The following AP4M1 variants were observed in gnomAD, a reference collection of about 807,000 sequenced individuals.
AP4M1 encodes the protein AP-4 complex subunit mu-1.
In AP4M1, 58 loss-of-function variants were observed where a neutral mutation model predicts 62.4. That is an observed-to-expected ratio of 0.93 (90% CI 0.75 to 1.16). The LOEUF is 1.16. Ranked by LOEUF, AP4M1 falls within the 50% of genes most tolerant of loss-of-function variation. The probability of loss-of-function intolerance (pLI) is 0.00; values close to 1 mark genes in which losing one functional copy is unlikely to be tolerated. For synonymous variants in AP4M1, 290 were observed against 239.7 expected (o/e 1.21, Z -1.94); for missense variants, 626 against 585.4 (o/e 1.07, Z -0.72).
chr7:100,101,204 A>T (rs1237436673), upstream of AP4M1: 35 of 1,600,090 alleles, frequency 2.2e-5, no homozygotes, highest in East Asian at 1.6e-4. Flanking sequence ...GCTCACACCA[A>T]CAGGTGTTCC....
In AP4M1 at chr7:100,106,252, A is replaced by G. The variant is rs1465526527; in HGVS notation, c.986A>G (p.Asn329Ser). 13 of 1,613,994 alleles carry G rather than the reference A, an allele frequency of 8.1e-6. No individual in the cohort carries two copies. Among genetic ancestry groups the G allele is most frequent in the Non-Finnish European group, 1.0e-5 (12 of 1,180,028 alleles). Residue 329 changes from asparagine to serine, a missense_variant, in exon 13 of 15, where the codon AAT (asparagine) becomes AGT (serine). By Grantham distance (46) the Asn-to-Ser change is conservative. Coordinates refer to ENST00000359593, the MANE Select transcript of AP4M1 (RefSeq NM_004722.4). ...CDLLSKSQAL[N>S]VRLHLPLPRG... ...CGTCTCCTCTGTAGCCAAGCCCTCA[A>G]TGTCAGGCTGCACCTCCCCCTGCCT...
At chr7:100,105,854 A>T in intron 11 of AP4M1, 105 bp from the exon 12 acceptor site, 1 of 1,337,622 alleles carries the variant, frequency 7.5e-7, no homozygotes, top group Non-Finnish European at 1.1e-6. Context: ...CCCTCTTGGG[A>T]GTACAGCCCA....
At chr7:100,104,820 G>T in intron 7 of AP4M1, 54 bp from the exon 8 acceptor site, 1 of 1,601,750 alleles carries the variant, frequency 6.2e-7, no homozygotes, top group Non-Finnish European at 8.5e-7. Flanking sequence ...GAGCGAGACC[G>T]TCTCAAAAAA....
chr7:100,106,325 G>A, intron 13 of AP4M1, 34 bp downstream of exon 13: 4 of 1,613,586 alleles, frequency 2.5e-6, no homozygotes, highest in Non-Finnish European at 3.4e-6. Context: ...GGAGATTCCT[G>A]GGGAGAGAGT....
chr7:100,108,545 A>G lies in AP4M1; in HGVS notation c.*1663A>G. ...CAGAACAGGAGCACAGTGTTTCTGC[A>G]GAACAGAAAAAAAGCCAGGTAGAGG... On this transcript the variant is annotated 3_prime_UTR_variant, in exon 15 of 15. Transcript: ENST00000359593. 1 of 1,588,690 alleles carries G rather than the reference A, an allele frequency of 6.3e-7. No individual in the cohort carries two copies. The highest frequency in any genetic ancestry group is 8.6e-7 in the Non-Finnish European group (1 of 1,162,326).
intron 6 of AP4M1, 58 bp from the exon 7 acceptor site, chr7:100,104,034 C>G: frequency 6.8e-7 from 1 of 1,468,166 alleles, no homozygotes; most frequent in Non-Finnish European, 9.5e-7. Context: ...CCCTGTCTGT[C>G]CATTTCAGAA....
rs1796377797 is a variant in AP4M1, at chr7:100,105,379, C to T, written c.834+33C>T. ...TTGGGGTGGCCTCATAAATTCCGTCCACCATGGGGAAGGGGGCAGTGGGGT... is the reference window on the plus strand; with the variant it reads ...TTGGGGTGGCCTCATAAATTCCGTCTACCATGGGGAAGGGGGCAGTGGGGT... On this transcript the variant is annotated intron_variant, in intron 10 of 14. Coordinates refer to ENST00000359593, the MANE Select transcript of AP4M1 (RefSeq NM_004722.4). The T allele has an allele frequency of 3.1e-6, 5 of 1,613,168 alleles. No individual in the cohort carries two copies. The African/African-American group carries it at 5.3e-5, about 17-fold the overall frequency.
rs766730027 is a variant in AP4M1, at chr7:100,107,602, C to T, written c.*720C>T. 1 of 1,613,204 alleles carries T rather than the reference C, an allele frequency of 6.2e-7. No individual in the cohort carries two copies. The highest frequency in any genetic ancestry group is 8.5e-7 in the Non-Finnish European group (1 of 1,179,784). Reference sequence around the variant, plus strand: ...GTGGTGGTGGAACCTGAGCCGGGGGCCGAGGTGCTGAGGGACAGGACCTGG... The same window carrying T: ...GTGGTGGTGGAACCTGAGCCGGGGGTCGAGGTGCTGAGGGACAGGACCTGG... On this transcript the variant is annotated 3_prime_UTR_variant, in exon 15 of 15. Coordinates refer to ENST00000359593, the MANE Select transcript of AP4M1 (RefSeq NM_004722.4).
chr7:100,101,113 G>A, upstream of AP4M1: 7 of 957,310 alleles, frequency 7.3e-6, no homozygotes, highest in Non-Finnish European at 1.1e-5. Context: ...GGCCCCGTGG[G>A]CCTTAGCCAG....
chr7:100,107,058 G>T lies in AP4M1; in HGVS notation c.*176G>T. The T allele has an allele frequency of 8.5e-7, 1 of 1,183,090 alleles. No homozygotes were observed. Among genetic ancestry groups the T allele is most frequent in the Non-Finnish European group, 1.2e-6 (1 of 833,144 alleles). 73.3% of individuals were successfully genotyped at this position (1,183,090 alleles called of 1,614,324 possible). On this transcript the variant is annotated 3_prime_UTR_variant, in exon 15 of 15. Coordinates refer to ENST00000359593, the MANE Select transcript of AP4M1 (RefSeq NM_004722.4). ...TTTCTGTGGTATCTGATGCAGGAAG[G>T]ACTGCAGTGGATCAGAACTTACAAA...
rs1198996492 is a variant in AP4M1, at chr7:100,103,635, C to T, written c.486C>T (p.Ser162=). ...AGTTTGGGGCTGAGACACAACAGAG[C>T]AAAGTGGCCCCCAGCAGTGCAGCCA... ...VGLFGAETQQ[S]KVAPSSAASR... The change falls in exon 6 of 15, where the codon AGC becomes AGT. Residue 162 remains serine (S), a synonymous_variant. Coordinates refer to ENST00000359593, the MANE Select transcript of AP4M1 (RefSeq NM_004722.4). 1 of 1,613,738 alleles carries T rather than the reference C, an allele frequency of 6.2e-7. No individual in the cohort carries two copies. The highest frequency in any genetic ancestry group is 1.3e-5 in the African/African-American group (1 of 74,906).
In AP4M1 at chr7:100,105,054, T is replaced by C; in HGVS notation, c.683T>C (p.Ile228Thr). 2 of 1,614,112 alleles carry C rather than the reference T, an allele frequency of 1.2e-6. No homozygotes were observed. Among genetic ancestry groups the C allele is most frequent in the African/African-American group, 1.3e-5 (1 of 75,030 alleles). ...SFLPSGSEMR[I>T]GLTEEFCVGK... Reference sequence around the variant, plus strand: ...GTCTCTCCTCCGACAGAGATGCGCATTGGCTTGACGGAAGAGTTTTGTGTG... The same window carrying C: ...GTCTCTCCTCCGACAGAGATGCGCACTGGCTTGACGGAAGAGTTTTGTGTG... Residue 228 changes from isoleucine (I) to threonine (T), a missense_variant, in exon 9 of 15, where the codon ATT (isoleucine) becomes ACT (threonine). Coordinates refer to ENST00000359593, the MANE Select transcript of AP4M1 (RefSeq NM_004722.4).
In AP4M1 at chr7:100,105,457, C is replaced by G; in HGVS notation, c.847C>G (p.Arg283Gly). ...QPPQGELTVM[R>G]YQLSDDLPSP... Reference sequence around the variant, plus strand: ...TCTGGTCTCTCAGCTGACTGTGATGCGGTACCAACTCTCCGATGACCTCCC... The same window carrying G: ...TCTGGTCTCTCAGCTGACTGTGATGGGGTACCAACTCTCCGATGACCTCCC... The change falls in exon 11 of 15, where the codon CGG (arginine) becomes GGG (glycine). Residue 283 changes from arginine to glycine, a missense_variant. Arg to Gly is a moderately radical substitution (Grantham distance 125). Transcript: ENST00000359593. 1 of 1,614,012 alleles carries G rather than the reference C, an allele frequency of 6.2e-7. No individual in the cohort carries two copies. The highest frequency in any genetic ancestry group is 1.1e-5 in the South Asian group (1 of 91,080).
At chr7:100,105,158 G>A in intron 9 of AP4M1, 60 bp downstream of exon 9, 1 of 1,613,002 alleles carries the variant, frequency 6.2e-7, no homozygotes, top group East Asian at 2.2e-5. Flanking sequence ...TTCATGGAGA[G>A]AAGTCAGACA....
Position 100,106,887 on chromosome 7 carries a change from C to T in AP4M1, c.*5C>T. The T allele has an allele frequency of 1.2e-6, 2 of 1,611,534 alleles. No individual in the cohort carries two copies. The highest frequency in any genetic ancestry group is 1.7e-6 in the Non-Finnish European group (2 of 1,179,790). ...GCCTATGTCATTCGGATCTGAGGCT[C>T]CCCAAACGAGGACACGACGGCCAAG... On this transcript the variant is annotated 3_prime_UTR_variant, in exon 15 of 15. Coordinates refer to ENST00000359593, the MANE Select transcript of AP4M1 (RefSeq NM_004722.4).
chr7:100,105,888 G>T (rs1207759630), intron 11 of AP4M1, 71 bp from the exon 12 acceptor site: 33 of 1,546,236 alleles, frequency 2.1e-5, no homozygotes, highest in Non-Finnish European at 2.9e-5. Context: ...CCACATGGAG[G>T]TCCCTGGTGG....
upstream of AP4M1, chr7:100,101,381 G>T: frequency 6.3e-7 from 1 of 1,576,762 alleles, no homozygotes. Context: ...GTGGACTGTG[G>T]CCGGCCAACC....
chr7:100,101,945 G>A lies in AP4M1; in HGVS notation c.124G>A (p.Gly42Arg). The change falls in exon 2 of 15, where the codon GGA (glycine) becomes AGA (arginine). Residue 42 changes from glycine to arginine, a missense_variant. Gly to Arg is a moderately radical substitution (Grantham distance 125, BLOSUM62 -2). Coordinates refer to ENST00000359593, the MANE Select transcript of AP4M1 (RefSeq NM_004722.4). Reference protein sequence around the residue: ...LFYRKLTGLPGDESPVVMHHH... With the variant: ...LFYRKLTGLPRDESPVVMHHH... Reference sequence around the variant, plus strand: ...CTACCGGAAGCTGACGGGACTGCCAGGAGACGAGTCCCCGGTTGTCATGGT... The same window carrying A: ...CTACCGGAAGCTGACGGGACTGCCAAGAGACGAGTCCCCGGTTGTCATGGT... The A allele has an allele frequency of 6.2e-7, 1 of 1,613,258 alleles. No homozygotes were observed. The highest frequency in any genetic ancestry group is 8.5e-7 in the Non-Finnish European group (1 of 1,179,972).
At position 100,106,652 on chromosome 7, in the gene AP4M1, T is replaced by C. The variant is rs2116676394; in HGVS notation, c.1138-6T>C. ...TCCTTCCTCTCCCTGCCTCTGCCCCTCACAGATGGACGTCCCAGGGCCCCC... is the reference window on the plus strand; with the variant it reads ...TCCTTCCTCTCCCTGCCTCTGCCCCCCACAGATGGACGTCCCAGGGCCCCC... On this transcript the variant is annotated splice_polypyrimidine_tract_variant and splice_region_variant and intron_variant, in intron 14 of 14. Coordinates refer to ENST00000359593, the MANE Select transcript of AP4M1 (RefSeq NM_004722.4). The C allele has an allele frequency of 1.5e-6, 2 of 1,362,982 alleles. No individual in the cohort carries two copies. Among genetic ancestry groups the C allele is most frequent in the East Asian group, 8.8e-5 (2 of 22,690 alleles). The allele number at this position is 1,362,982 out of a possible 1,614,324, so 84.4% of individuals were successfully genotyped here. A position where few individuals can be genotyped will look rare whatever the true frequency, so the allele number is the denominator to read the frequency against.
Sources: allele counts gnomAD v4.1 joint callset, GRCh38; gene constraint gnomAD v4.1.1; transcripts MANE v1.5; gene names NCBI Gene and HGNC (gene_info 2026-07-23, HGNC 2026-07-21).